Variants in RNF19B observed in about 807,000 individuals in gnomAD.
RNF19B encodes ring finger protein 19B.
A neutral mutation model predicts 65.5 loss-of-function variants in RNF19B; 23 were observed. The ratio of observed to expected loss-of-function variants is 0.35; its 90% CI spans 0.25 to 0.50. The LOEUF (loss-of-function observed/expected upper bound fraction) is 0.50, where lower values mean the gene tolerates loss of function less well. RNF19B is among the 20% of genes least tolerant of loss of function. RNF19B has a pLI of 0.98. For synonymous variants in RNF19B, 372 were observed against 379.6 expected, an observed-to-expected ratio of 0.98 and a Z score of 0.23; for missense variants, 794 against 980.0, an observed-to-expected ratio of 0.81 and a Z score of 2.53.
intron 7 of RNF19B, 63 bp from the exon 8 acceptor site, chr1:32,938,591 C>A: frequency 6.6e-7 from 1 of 1,526,268 alleles, no homozygotes. Flanking sequence ...AGTCTGCTTC[C>A]TGGCACACAT....
At chr1:32,955,340 G>A (rs1642609682) in intron 1 of RNF19B, among the ~76,000 whole-genome samples, 1 of 151,970 alleles carries the variant, frequency 6.6e-6, no homozygotes, top group African/African-American at 2.4e-5. Context: ...TTATATGCCA[G>A]GTACTATAAC....
intron 1 of RNF19B, among the ~76,000 whole-genome samples, chr1:32,953,897 ACTT>A (rs1642569880): frequency 7.9e-6 from 1 of 126,052 alleles, no homozygotes. Context: ...CCCAGCCCCC[ACTT>A]CTTTTTTTTT....
chr1:32,961,044 C>T (rs930240266), intron 1 of RNF19B, among the ~76,000 whole-genome samples: 1 of 152,096 alleles, frequency 6.6e-6, no homozygotes, highest in Non-Finnish European at 1.5e-5. Flanking sequence ...AGCCACTAGG[C>T]ACATCCCAAG....
At position 32,948,218 on chromosome 1, in the gene RNF19B, T is replaced by G; in HGVS notation, c.983+4A>C. 1 of 1,613,502 alleles carries G rather than the reference T, an allele frequency of 6.2e-7. No homozygotes were observed. On this transcript the variant is annotated splice_donor_region_variant and intron_variant, in intron 3 of 8. Coordinates refer to ENST00000235150, the MANE Select transcript of RNF19B (RefSeq NM_001300826.2). ...GAAAGGAATGGATGCATTTCCCATC[T>G]TACCTGAGGTAATGCAAGTCTGAGA...
chr1:32,931,384 C>T, the RNF19B span, among the ~76,000 whole-genome samples: 2 of 152,022 alleles, frequency 1.3e-5, no homozygotes, highest in Non-Finnish European at 2.9e-5. Flanking sequence ...GGGTGGGACA[C>T]GAGAAGTATT....
downstream of RNF19B, among the ~76,000 whole-genome samples, chr1:32,933,881 A>G (rs2124093808): frequency 6.6e-6 from 1 of 152,276 alleles, no homozygotes; most frequent in Non-Finnish European, 1.5e-5. Flanking sequence ...CCCAAATCTC[A>G]CAGCTGTAGT....
intron 1 of RNF19B, among the ~76,000 whole-genome samples, chr1:32,958,034 T>C (rs891668192): frequency 4.6e-5 from 7 of 152,242 alleles, no homozygotes; most frequent in Non-Finnish European, 8.8e-5. Context: ...GGAATATAGA[T>C]ATCCTAGTCT....
At chr1:32,940,129 G>A (rs1642199040) in intron 7 of RNF19B, among the ~76,000 whole-genome samples, 1 of 152,220 alleles carries the variant, frequency 6.6e-6, no homozygotes, top group South Asian at 2.1e-4. Context: ...AAAGTGCACA[G>A]TGTCAGAGAC....
At chr1:32,933,790 T>C (rs145072112), downstream of RNF19B, among the ~76,000 whole-genome samples, 1 of 152,186 alleles carries the variant, frequency 6.6e-6, no homozygotes, top group Non-Finnish European at 1.5e-5. Flanking sequence ...ATTTTCAGTA[T>C]ACCATCTCAG....
chr1:32,931,387 G>A, the RNF19B span, among the ~76,000 whole-genome samples: 1 of 152,152 alleles, frequency 6.6e-6, no homozygotes, highest in Non-Finnish European at 1.5e-5. Flanking sequence ...TGGGACACGA[G>A]AAGTATTAGT....
Position 32,964,536 on chromosome 1 carries a change from G to T in RNF19B, c.150C>A (p.Ala50=). 1 of 1,158,388 alleles carries T rather than the reference G, an allele frequency of 8.6e-7. No individual in the cohort carries two copies. The highest frequency in any genetic ancestry group is 1.1e-6 in the Non-Finnish European group (1 of 935,636). The allele number at this position is 1,158,388 out of a possible 1,614,324, so 71.8% of individuals were successfully genotyped here. ...GGGGCGGCGGCTCGGCCTGCGGCTT[G>T]GCCCGGGCGCGGCGGCCGCGGGCCG... ...SASARGRRAR[A]KPQAEPPPPA... The change falls in exon 1 of 9, where the codon GCC becomes GCA. Residue 50 remains alanine, a synonymous_variant. Transcript: ENST00000235150. This position sits in a 1 kb window ranked among gnomAD's most constrained non-coding sequence, Gnocchi z 6.5.
chr1:32,935,753 C>T (rs1642087006), downstream of RNF19B, among the ~76,000 whole-genome samples: 1 of 151,276 alleles, frequency 6.6e-6, no homozygotes, highest in African/African-American at 2.4e-5. Flanking sequence ...GCAACATTCA[C>T]TGAGAACTCT....
chr1:32,931,881 G>A (rs1642033065), downstream of RNF19B, among the ~76,000 whole-genome samples: 1 of 152,190 alleles, frequency 6.6e-6, no homozygotes, highest in African/African-American at 2.4e-5. Flanking sequence ...GTGACCACAG[G>A]TGTAAGCAAT....
At chr1:32,943,563 C>T (rs1396204339) in intron 6 of RNF19B, among the ~76,000 whole-genome samples, 1 of 152,004 alleles carries the variant, frequency 6.6e-6, no homozygotes, top group African/African-American at 2.4e-5. Context: ...TTGCAGTGAA[C>T]CGAGATCGCG....
Position 32,936,721 on chromosome 1 carries a change from C to G in RNF19B, c.*85G>C. 7.6e-7 allele frequency: 1 copy of G among 1,314,730 alleles called. No homozygotes were observed. Among genetic ancestry groups the G allele is most frequent in the South Asian group, 1.8e-5 (1 of 54,752 alleles). 81.4% of individuals were successfully genotyped at this position (1,314,730 alleles called of 1,614,324 possible). The stretch of plus-strand genomic sequence containing the variant: ...AATCTGTGAAATAAAATACATAAAT[C>G]TCTACCCCTTGGAAAAAAAAAAAAA... On this transcript the variant is annotated 3_prime_UTR_variant, in exon 9 of 9. Transcript: ENST00000235150.
intron 1 of RNF19B, among the ~76,000 whole-genome samples, chr1:32,961,474 C>T (rs1015075359): frequency 1.3e-5 from 2 of 152,152 alleles, no homozygotes; most frequent in Admixed American, 1.3e-4. Context: ...CATTCAATTT[C>T]CTTAAACTTT....
chr1:32,935,273 A>G (rs1642078186), downstream of RNF19B, among the ~76,000 whole-genome samples: 1 of 151,740 alleles, frequency 6.6e-6, no homozygotes, highest in Non-Finnish European at 1.5e-5. Context: ...GAGTAGCTGG[A>G]ATTACAGACA....
intron 1 of RNF19B, 111 bp downstream of exon 1, chr1:32,963,940 T>G: frequency 7.4e-7 from 1 of 1,347,500 alleles, no homozygotes; most frequent in Non-Finnish European, 9.5e-7. Flanking sequence ...CCGCCGAAGC[T>G]GCCGCCTTGC....
At chr1:32,937,303 G>C (rs376356983) in intron 8 of RNF19B, 44 bp from the exon 9 acceptor site, 2 of 1,610,840 alleles carry the variant, frequency 1.2e-6, no homozygotes, top group Non-Finnish European at 1.7e-6. Context: ...CATGGATCAT[G>C]CTAAACCTGT....
Sources: gnomAD v4.1 joint callset for allele counts (sites outside exome capture counted in the v4.1 genomes callset) on GRCh38, gnomAD v4.1.1 for gene constraint, Gnocchi (gnomAD v3.1) non-coding constraint, MANE v1.5 for transcripts, NCBI Gene and HGNC (gene_info 2026-07-23, HGNC 2026-07-21) for gene names.